The following EDIL3 variants were observed in gnomAD, a reference collection of about 807,000 sequenced individuals.
The protein encoded by EDIL3 is EGF-like repeat and discoidin I-like domain-containing protein 3.
EDIL3 carries 37 observed loss-of-function variants against 67.4 expected under a neutral mutation model. The observed-to-expected ratio is 0.55, with a 90% confidence interval of 0.42 to 0.72. The LOEUF (loss-of-function observed/expected upper bound fraction) is 0.72. Ranked by LOEUF, EDIL3 falls within the 30% of genes least tolerant of loss-of-function variation. The probability of loss-of-function intolerance (pLI) is 0.00; values close to 1 mark genes in which losing one functional copy is unlikely to be tolerated. For missense variants in EDIL3, 527 were observed against 586.3 expected, an observed-to-expected ratio of 0.90 and a Z score of 1.04; for synonymous variants, 195 against 196.3, an observed-to-expected ratio of 0.99 and a Z score of 0.05.
At chr5:84,291,214 C>T (rs1384827327) in intron 1 of EDIL3, among the ~76,000 whole-genome samples, 1 of 152,096 alleles carries the variant, frequency 6.6e-6, no homozygotes, top group Admixed American at 6.6e-5. Flanking sequence ...TCAATTAAGG[C>T]TTACCATTTC....
chr5:84,138,936 T>G (rs1477411447), intron 4 of EDIL3, among the ~76,000 whole-genome samples: 1 of 152,184 alleles, frequency 6.6e-6, no homozygotes, highest in Non-Finnish European at 1.5e-5. Context: ...TGGATCTGTG[T>G]GCTGTAAAGT....
chr5:84,193,073 C>A (rs1261520274), intron 3 of EDIL3, among the ~76,000 whole-genome samples: 2 of 151,858 alleles, frequency 1.3e-5, no homozygotes, highest in Admixed American at 1.3e-4. Flanking sequence ...AACCGGGCAG[C>A]CTTCAAAGGC....
At chr5:84,174,542 C>T (rs151259036) in intron 4 of EDIL3, among the ~76,000 whole-genome samples, 13 of 152,266 alleles carry the variant, frequency 8.5e-5, no homozygotes, top group African/African-American at 3.1e-4. Flanking sequence ...GGCTGCAGCC[C>T]CCACCTTGTT....
chr5:84,362,780 G>A (rs972035165), intron 1 of EDIL3, among the ~76,000 whole-genome samples: 4 of 152,092 alleles, frequency 2.6e-5, no homozygotes, highest in South Asian at 2.1e-4. Flanking sequence ...GGTTTACTAT[G>A]TAGCTGTTAT....
intron 5 of EDIL3, among the ~76,000 whole-genome samples, chr5:84,121,791 G>A (rs183116499): frequency 4.1e-4 from 63 of 152,036 alleles, no homozygotes; most frequent in Non-Finnish European, 8.3e-4. Flanking sequence ...TGCCAATTCT[G>A]GGGTACAAAA....
intron 9 of EDIL3, among the ~76,000 whole-genome samples, chr5:84,006,234 A>AATAAATATTG (rs1382975894): frequency 1.3e-5 from 2 of 152,094 alleles, no homozygotes; most frequent in African/African-American, 4.8e-5. Context: ...GAATAGGAAG[A>AATAAATATTG]ATAAATATTG....
intron 4 of EDIL3, among the ~76,000 whole-genome samples, chr5:84,151,181 C>A (rs1748381845): frequency 6.6e-6 from 1 of 151,742 alleles, no homozygotes; most frequent in Non-Finnish European, 1.5e-5. Context: ...TAATTATACT[C>A]CAATAAAACC....
At chr5:84,044,651 G>C (rs929680746) in intron 9 of EDIL3, among the ~76,000 whole-genome samples, 2 of 152,156 alleles carry the variant, frequency 1.3e-5, no homozygotes, top group African/African-American at 4.8e-5. Context: ...CTGGATAATG[G>C]AAATTTTGTG....
At position 84,367,387 on chromosome 5, in the gene EDIL3, G is replaced by A. The variant is rs13356809; in HGVS notation, c.67+16921C>T. Among the ~76,000 whole-genome samples the A allele has an allele frequency of 5.6e-3, 853 of 152,086 alleles. 7 individuals are homozygous for A. Among genetic ancestry groups the A allele is most frequent in the South Asian group, 0.016 (75 of 4,826 alleles). The stretch of plus-strand genomic sequence containing the variant: ...TAACAACTTTTAACAAACATAGTAA[G>A]TGCAATATAAAGGCAAATAAAATGT... On this transcript the variant is annotated intron_variant, in intron 1 of 10. Coordinates refer to ENST00000296591, the MANE Select transcript of EDIL3 (RefSeq NM_005711.5).
At chr5:84,180,170 C>T (rs1309032907) in intron 4 of EDIL3, among the ~76,000 whole-genome samples, 1 of 152,028 alleles carries the variant, frequency 6.6e-6, no homozygotes, top group African/African-American at 2.4e-5. Flanking sequence ...AAAGGGATGA[C>T]CAGAAGACTA....
chr5:84,358,771 G>A (rs1360826575), intron 1 of EDIL3, among the ~76,000 whole-genome samples: 5 of 151,498 alleles, frequency 3.3e-5, no homozygotes, highest in Non-Finnish European at 5.9e-5. Context: ...CACAAGGCCC[G>A]GCTAATTTTT....
chr5:84,100,769 T>C (rs1051139613), intron 6 of EDIL3, among the ~76,000 whole-genome samples: 2 of 152,154 alleles, frequency 1.3e-5, no homozygotes, highest in African/African-American at 4.8e-5. Flanking sequence ...CTATATTTCT[T>C]TGAGAAATTG....
chr5:84,118,921 C>A (rs1397149641), intron 5 of EDIL3, among the ~76,000 whole-genome samples: 1 of 152,004 alleles, frequency 6.6e-6, no homozygotes, highest in Non-Finnish European at 1.5e-5. Flanking sequence ...CCAATATACA[C>A]CAAAATATGG....
rs534459135 is a variant in EDIL3, at chr5:84,280,088, A to G, written c.68-25876T>C. On this transcript the variant is annotated intron_variant, in intron 1 of 10. Coordinates refer to ENST00000296591, the MANE Select transcript of EDIL3 (RefSeq NM_005711.5). ...TATCACCAAAGGGCAATGGCTGAGT[A>G]AGAGAGGCAAAATGTAATGTTTCTA... Among the ~76,000 whole-genome samples the G allele has an allele frequency of 4.3e-4, 66 of 152,334 alleles. No homozygotes were observed. In the East Asian group the frequency reaches 0.011, roughly 25 times the overall value.
Position 84,337,764 on chromosome 5 carries a change from C to A in EDIL3, c.67+46544G>T, listed in dbSNP as rs926604823. On this transcript the variant is annotated intron_variant, in intron 1 of 10. Coordinates refer to ENST00000296591, the MANE Select transcript of EDIL3 (RefSeq NM_005711.5). ...TGAATCATAATGAGAAAAGTGATTT[C>A]TTCTATAATGGTGTGAATATTTCAT... Among the ~76,000 whole-genome samples the A allele has an allele frequency of 5.3e-5, 8 of 152,090 alleles. No homozygotes were observed. The South Asian group carries it at 1.7e-3, about 32-fold the overall frequency.
intron 1 of EDIL3, among the ~76,000 whole-genome samples, chr5:84,341,499 C>T (rs1373045211): frequency 1.3e-5 from 2 of 152,080 alleles, no homozygotes; most frequent in Admixed American, 6.6e-5. Context: ...CACAAAAAGA[C>T]GTGTTCCTAA....
intron 5 of EDIL3, among the ~76,000 whole-genome samples, chr5:84,108,016 T>C (rs1393890157): frequency 6.6e-6 from 1 of 151,310 alleles, no homozygotes; most frequent in African/African-American, 2.4e-5. Flanking sequence ...AAGAAGTTCA[T>C]TGCTACTACT....
At chr5:84,069,631 A>G (rs1034994086) in intron 6 of EDIL3, among the ~76,000 whole-genome samples, 1 of 152,106 alleles carries the variant, frequency 6.6e-6, no homozygotes, top group African/African-American at 2.4e-5. Flanking sequence ...AATGCCAGAA[A>G]ATTTGGATTT....
intron 10 of EDIL3, among the ~76,000 whole-genome samples, chr5:83,961,142 T>C (rs1744599785): frequency 6.6e-6 from 1 of 151,066 alleles, no homozygotes; most frequent in East Asian, 1.9e-4. Flanking sequence ...GAAGTTCATT[T>C]TCTAATGAAA....
Sources: gnomAD v4.1 joint callset for allele counts (sites outside exome capture counted in the v4.1 genomes callset) on GRCh38, gnomAD v4.1.1 for gene constraint, MANE v1.5 for transcripts, NCBI Gene and HGNC (gene_info 2026-07-23, HGNC 2026-07-21) for gene names.